The following SLC25A21 variants were observed in gnomAD, a reference collection of about 807,000 sequenced individuals.
The protein encoded by SLC25A21 is solute carrier family 25 member 21, also known as mitochondrial 2-oxodicarboxylate carrier.
A neutral mutation model predicts 43.8 loss-of-function variants in SLC25A21; 47 were observed. The observed-to-expected ratio is 1.07, with a 90% CI of 0.85 to 1.37. SLC25A21 has a LOEUF of 1.37. SLC25A21 is among the 40% of genes most tolerant of loss of function. The pLI is 0.00. For missense variants in SLC25A21, 352 were observed against 350.2 expected (o/e 1.00, Z -0.04); for synonymous variants, 131 against 121.3 (o/e 1.08, Z -0.52).
chr14:36,941,208 A>G (rs1257066377), intron 1 of SLC25A21, among the ~76,000 whole-genome samples: 1 of 152,112 alleles, frequency 6.6e-6, no homozygotes, highest in Non-Finnish European at 1.5e-5. Context: ...ATCTTATCCC[A>G]TAATATATCA....
At chr14:36,722,182 A>C (rs886623696) in intron 6 of SLC25A21, among the ~76,000 whole-genome samples, 1 of 152,232 alleles carries the variant, frequency 6.6e-6, no homozygotes. Context: ...TAAAAGAAGA[A>C]TGCAAATATC....
chr14:36,882,219 C>T (rs889005712), intron 1 of SLC25A21, among the ~76,000 whole-genome samples: 33 of 151,992 alleles, frequency 2.2e-4, no homozygotes, highest in African/African-American at 1.2e-4. Flanking sequence ...CCCATCTCTA[C>T]AAAAAATACA....
chr14:36,906,998 A>G (rs936046648), intron 1 of SLC25A21, among the ~76,000 whole-genome samples: 1 of 152,164 alleles, frequency 6.6e-6, no homozygotes, highest in Non-Finnish European at 1.5e-5. Flanking sequence ...CATGCCCTCT[A>G]TGGAGATTGG....
At chr14:37,141,199 A>C in intron 1 of SLC25A21, among the ~76,000 whole-genome samples, 1 of 152,198 alleles carries the variant, frequency 6.6e-6, no homozygotes, top group East Asian at 1.9e-4. Context: ...TTGTATTACG[A>C]GGAAGAAATT....
At chr14:37,102,558 A>T (rs1962836182) in intron 1 of SLC25A21, among the ~76,000 whole-genome samples, 1 of 152,162 alleles carries the variant, frequency 6.6e-6, no homozygotes, top group African/African-American at 2.4e-5. Context: ...AAGGCTGGGG[A>T]AATGTTAAGA....
intron 1 of SLC25A21, among the ~76,000 whole-genome samples, chr14:36,881,092 T>A (rs1890707122): frequency 6.6e-6 from 1 of 152,188 alleles, no homozygotes; most frequent in Admixed American, 6.5e-5. Context: ...CTGTTGACAG[T>A]GTGAAATGTT....
At position 36,679,734 on chromosome 14, in the gene SLC25A21, A is replaced by G. The variant is rs117806461; in HGVS notation, c.*924T>C. 157 of 985,450 alleles carry G rather than the reference A, an allele frequency of 1.6e-4. No individual in the cohort carries two copies. In the East Asian group the frequency reaches 0.014, roughly 88 times the overall value. The allele number at this position is 985,450 out of a possible 1,614,324, so 61.0% of individuals were successfully genotyped here. A position where few individuals can be genotyped will look rare whatever the true frequency, so the allele number is the denominator to read the frequency against. On this transcript the variant is annotated 3_prime_UTR_variant, in exon 10 of 10. Transcript: ENST00000331299. ...TCTGTTCTATACATTCTTCCTAAAA[A>G]TGGCACAGGTAGGCATGCTGAATAA...
At chr14:36,968,719 C>G (rs1197341368) in intron 1 of SLC25A21, among the ~76,000 whole-genome samples, 1 of 152,134 alleles carries the variant, frequency 6.6e-6, no homozygotes, top group African/African-American at 2.4e-5. Flanking sequence ...AACTAAGGAG[C>G]CTCCCCGGTA....
intron 1 of SLC25A21, among the ~76,000 whole-genome samples, chr14:37,102,539 A>G (rs540415592): frequency 6.6e-6 from 1 of 151,998 alleles, no homozygotes; most frequent in South Asian, 2.1e-4. Context: ...CTGTTGCATT[A>G]TTACTGGAAA....
At chr14:37,020,423 A>C (rs1435438885) in intron 1 of SLC25A21, among the ~76,000 whole-genome samples, 2 of 151,716 alleles carry the variant, frequency 1.3e-5, no homozygotes, top group Non-Finnish European at 2.9e-5. Flanking sequence ...TCAAAAAAAA[A>C]CACAGTAAAT....
chr14:37,115,286 G>C (rs556999571), intron 1 of SLC25A21, among the ~76,000 whole-genome samples: 2 of 152,312 alleles, frequency 1.3e-5, no homozygotes, highest in East Asian at 3.9e-4. Flanking sequence ...TTGATGCTAC[G>C]GAGTATTGAA....
At chr14:36,711,967 G>A (rs1883896753) in intron 6 of SLC25A21, among the ~76,000 whole-genome samples, 1 of 152,156 alleles carries the variant, frequency 6.6e-6, no homozygotes, top group African/African-American at 2.4e-5. Context: ...GGTTGAACCT[G>A]GCACTATGTT....
intron 1 of SLC25A21, among the ~76,000 whole-genome samples, chr14:37,065,154 C>G (rs988135010): frequency 5.3e-5 from 8 of 152,022 alleles, no homozygotes; most frequent in Non-Finnish European, 1.0e-4. Context: ...TTCAGAGAAG[C>G]CTTTATGGAT....
At chr14:37,055,119 TA>T (rs1261504091) in intron 1 of SLC25A21, among the ~76,000 whole-genome samples, 2 of 152,176 alleles carry the variant, frequency 1.3e-5, no homozygotes, top group African/African-American at 4.8e-5. Context: ...GTTAGGTGTA[TA>T]GGGGGTGTGA....
intron 2 of SLC25A21, among the ~76,000 whole-genome samples, chr14:36,867,719 C>G (rs1014359983): frequency 6.6e-6 from 1 of 152,116 alleles, no homozygotes; most frequent in African/African-American, 2.4e-5. Context: ...GGTTTCTTCA[C>G]TAACCTGTAG....
chr14:36,981,753 G>A (rs532310907), intron 1 of SLC25A21, among the ~76,000 whole-genome samples: 7 of 151,992 alleles, frequency 4.6e-5, no homozygotes, highest in African/African-American at 1.4e-4. Context: ...CGAGTTAATG[G>A]GTGCAGCATA....
intron 1 of SLC25A21, among the ~76,000 whole-genome samples, chr14:36,975,163 T>C (rs943813341): frequency 1.3e-5 from 2 of 152,120 alleles, no homozygotes; most frequent in Non-Finnish European, 2.9e-5. Flanking sequence ...GAAAGACATA[T>C]ATAAAGAATT....
intron 1 of SLC25A21, among the ~76,000 whole-genome samples, chr14:37,035,840 C>T (rs931469059): frequency 2.0e-5 from 3 of 152,294 alleles, no homozygotes; most frequent in South Asian, 2.1e-4. Context: ...TCATCCCTTG[C>T]GCTAACTTTG....
chr14:36,896,000 A>G (rs182390182), intron 1 of SLC25A21, among the ~76,000 whole-genome samples: 52 of 152,286 alleles, frequency 3.4e-4, no homozygotes, highest in African/African-American at 1.2e-3. Context: ...GTGGTGCTGA[A>G]AAGAATGTAT....
Sources: gnomAD v4.1 joint callset for allele counts (sites outside exome capture counted in the v4.1 genomes callset) on GRCh38, gnomAD v4.1.1 for gene constraint, MANE v1.5 for transcripts, NCBI Gene and HGNC (gene_info 2026-07-23, HGNC 2026-07-21) for gene names.